STAU2: variants seen among roughly 807,000 people sequenced by gnomAD.
STAU2 encodes the protein double-stranded RNA-binding protein Staufen homolog 2.
In STAU2, 20 loss-of-function variants were observed where a neutral mutation model predicts 65.9. The ratio of observed to expected loss-of-function variants is 0.30; its 90% CI spans 0.21 to 0.44. The LOEUF is 0.44. STAU2 is among the 20% of genes least tolerant of loss of function. The pLI, the probability that STAU2 is intolerant of heterozygous loss-of-function variation, is 1.00. For missense variants in STAU2, 558 were observed against 683.9 expected (o/e 0.82, Z 2.05); for synonymous variants, 232 against 233.9 (o/e 0.99, Z 0.07).
chr8:73,552,340 A>G, intron 12 of STAU2, 21 bp from the exon 13 acceptor site: 2 of 1,586,232 alleles, frequency 1.3e-6, no homozygotes, highest in Non-Finnish European at 1.7e-6. Context: ...AATGAAGAAC[A>G]CTGTTATTAC....
chr8:73,439,723 T>G (rs1369915538), intron 13 of STAU2: 2 of 152,344 alleles, frequency 1.3e-5, no homozygotes, highest in African/African-American at 4.8e-5. Context: ...TTCTAAGGAC[T>G]TGCCATCTCC....
chr8:73,682,200 A>G (rs1349302835), intron 5 of STAU2, among the ~76,000 whole-genome samples: 2 of 152,110 alleles, frequency 1.3e-5, no homozygotes, highest in Admixed American at 6.6e-5. Flanking sequence ...CACATGGAAC[A>G]TATTCCAAGA....
In STAU2 at chr8:73,598,459, C is replaced by T. The variant is rs1586090020; in HGVS notation, c.1030-3162G>A. Among the ~76,000 whole-genome samples, 3 of 152,172 alleles carry T rather than the reference C, an allele frequency of 2.0e-5. No individual in the cohort carries two copies. In the South Asian group the frequency reaches 6.2e-4, roughly 32 times the overall value. ...AGCCAGGATGGTTTCGATCTCCTGA[C>T]CTCGTGATCCGCCCACCTCGGCCTC... On this transcript the variant is annotated intron_variant, in intron 10 of 14. Coordinates refer to ENST00000524300, the MANE Select transcript of STAU2 (RefSeq NM_001164380.2).
At chr8:73,669,361 T>C (rs1462160769) in intron 6 of STAU2, among the ~76,000 whole-genome samples, 1 of 152,170 alleles carries the variant, frequency 6.6e-6, no homozygotes, top group Non-Finnish European at 1.5e-5. Flanking sequence ...TTTATGACTT[T>C]GGAGAAATCA....
intron 13 of STAU2, among the ~76,000 whole-genome samples, chr8:73,489,909 T>C (rs1365411120): frequency 6.6e-6 from 1 of 152,052 alleles, no homozygotes; most frequent in Non-Finnish European, 1.5e-5. Flanking sequence ...CAGGAAGTAA[T>C]ACTTTTCATG....
At chr8:73,548,360 C>G (rs900391636) in intron 13 of STAU2, among the ~76,000 whole-genome samples, 25 of 151,966 alleles carry the variant, frequency 1.6e-4, no homozygotes, top group South Asian at 1.5e-3. Flanking sequence ...AAGGTTGATT[C>G]TCAGATTCTC....
At chr8:73,705,939 T>G (rs961319543) in intron 4 of STAU2, among the ~76,000 whole-genome samples, 1 of 152,142 alleles carries the variant, frequency 6.6e-6, no homozygotes, top group African/African-American at 2.4e-5. Context: ...TTTAAAAAAT[T>G]CCTGATGTGT....
intron 13 of STAU2, among the ~76,000 whole-genome samples, chr8:73,452,232 CTT>C (rs1491498770): frequency 6.6e-6 from 1 of 152,114 alleles, no homozygotes; most frequent in African/African-American, 2.4e-5. Context: ...TTCTCTAACT[CTT>C]CTCTCTCTCT....
chr8:73,456,656 C>T (rs991883211), intron 13 of STAU2, among the ~76,000 whole-genome samples: 4 of 152,102 alleles, frequency 2.6e-5, no homozygotes, highest in Admixed American at 6.6e-5. Context: ...TATTGCATTC[C>T]GTCTTACCAG....
intron 12 of STAU2, among the ~76,000 whole-genome samples, chr8:73,581,843 T>C (rs1810009602): frequency 6.6e-6 from 1 of 152,200 alleles, no homozygotes; most frequent in African/African-American, 2.4e-5. Context: ...GATAAGAATT[T>C]GTTACTAATT....
intron 6 of STAU2, among the ~76,000 whole-genome samples, chr8:73,660,206 C>T (rs1384947625): frequency 3.3e-5 from 5 of 151,956 alleles, no homozygotes; most frequent in Non-Finnish European, 7.4e-5. Context: ...CTGAGGTGGG[C>T]GGATCACAAG....
chr8:73,447,310 T>C (rs1818518875), intron 13 of STAU2, among the ~76,000 whole-genome samples: 1 of 152,226 alleles, frequency 6.6e-6, no homozygotes, highest in Admixed American at 6.5e-5. Flanking sequence ...ATCACTATGC[T>C]AACTCTTCTG....
In STAU2 at chr8:73,617,286, C is replaced by A; in HGVS notation, c.570+6G>T. 2 of 1,613,540 alleles carry A rather than the reference C, an allele frequency of 1.2e-6. No individual in the cohort carries two copies. Among genetic ancestry groups the A allele is most frequent in the Middle Eastern group, 1.7e-4 (1 of 5,988 alleles). ...GAACAGACTGTCACATGCAGCAGCACCACACCTGAGGAGATCTTTCTGGAA... is the reference window on the plus strand; with the variant it reads ...GAACAGACTGTCACATGCAGCAGCAACACACCTGAGGAGATCTTTCTGGAA... On this transcript the variant is annotated splice_donor_region_variant and intron_variant, in intron 7 of 14. Coordinates refer to ENST00000524300, the MANE Select transcript of STAU2 (RefSeq NM_001164380.2).
At chr8:73,639,879 A>G (rs1814826476) in intron 6 of STAU2, among the ~76,000 whole-genome samples, 1 of 152,160 alleles carries the variant, frequency 6.6e-6, no homozygotes, top group Admixed American at 6.5e-5. Context: ...TAGAATACAA[A>G]TAGATACATA....
At chr8:73,598,429 G>A (rs1387447201) in intron 10 of STAU2, among the ~76,000 whole-genome samples, 2 of 152,088 alleles carry the variant, frequency 1.3e-5, no homozygotes, top group East Asian at 1.9e-4. Context: ...GGGTTTCACC[G>A]TGTTAGCCAG....
At chr8:73,559,934 A>G (rs930126833) in intron 12 of STAU2, among the ~76,000 whole-genome samples, 6 of 152,196 alleles carry the variant, frequency 3.9e-5, no homozygotes, top group African/African-American at 1.4e-4. Context: ...AACTAAAAAG[A>G]GAAAATGTTA....
At chr8:73,747,331 G>C, upstream of STAU2, 1 of 1,522,712 alleles carries the variant, frequency 6.6e-7, no homozygotes, top group Non-Finnish European at 8.8e-7. Context: ...TTCCCCGCCC[G>C]ACTGACCGTC....
In STAU2 at chr8:73,688,726, T is replaced by C. The variant is rs781749178; in HGVS notation, c.202A>G (p.Lys68Glu). Residue 68 changes from lysine (K) to glutamate (E), a missense_variant, in exon 5 of 15, where the codon AAA (lysine) becomes GAA (glutamate). Lys to Glu is a moderately conservative substitution (Grantham distance 56). Transcript: ENST00000524300. ...GGAAGCGTAGATTCAGTCAAAGCTT[T>C]ATTGGCAACAGCCTGCTGAGCCTTC... ...IKKAQQAVAN[K>E]ALTESTLPKP... 1.2e-6 allele frequency: 2 copies of C among 1,614,054 alleles called. No individual in the cohort carries two copies. Among genetic ancestry groups the C allele is most frequent in the Admixed American group, 3.3e-5 (2 of 60,006 alleles).
intron 4 of STAU2, among the ~76,000 whole-genome samples, chr8:73,693,421 GC>G (rs1167401639): frequency 6.8e-6 from 1 of 147,570 alleles, no homozygotes; most frequent in East Asian, 2.0e-4. Flanking sequence ...CTTGCAGTGA[GC>G]CAAGACAGCG....
Sources: allele counts gnomAD v4.1 joint callset (sites outside exome capture counted in the v4.1 genomes callset), GRCh38; gene constraint gnomAD v4.1.1; transcripts MANE v1.5; gene names NCBI Gene and HGNC (gene_info 2026-07-23, HGNC 2026-07-21).